Variants in PYGO1 observed in about 807,000 individuals in gnomAD.
PYGO1 encodes pygopus family PHD finger 1.
Under a neutral mutation model 29.5 loss-of-function variants are expected in PYGO1, and 6 were observed. The observed-to-expected ratio is 0.20, with a 90% CI of 0.11 to 0.40. The LOEUF (loss-of-function observed/expected upper bound fraction) is 0.40. Ranked by LOEUF, PYGO1 falls within the 10% of genes least tolerant of loss-of-function variation. The pLI, the probability that PYGO1 is intolerant of heterozygous loss-of-function variation, is 1.00. For synonymous variants in PYGO1, 186 were observed against 180.5 expected (o/e 1.03, Z -0.24); for missense variants, 515 against 514.9 (o/e 1.00, Z 0.00).
At chr15:55,582,902 T>A (rs1414081073) in intron 1 of PYGO1, among the ~76,000 whole-genome samples, 1 of 152,150 alleles carries the variant, frequency 6.6e-6, no homozygotes, top group Non-Finnish European at 1.5e-5. Flanking sequence ...TTAATCCAAA[T>A]CCTCTATATT....
chr15:55,583,887 C>A (rs185157930), intron 1 of PYGO1, among the ~76,000 whole-genome samples: 1 of 152,218 alleles, frequency 6.6e-6, no homozygotes, highest in East Asian at 1.9e-4. Flanking sequence ...CCTCCTAGAC[C>A]CTTTCTCACA....
intron 1 of PYGO1, among the ~76,000 whole-genome samples, chr15:55,566,177 CCTGTCACCCAGGTG>C (rs944928406): frequency 6.6e-6 from 1 of 152,058 alleles, no homozygotes; most frequent in African/African-American, 2.4e-5. Flanking sequence ...GTGAAATGAT[CCTGTCACCCAGGTG>C]CTGAGCATAG....
chr15:55,580,345 C>T (rs985544314), intron 1 of PYGO1, among the ~76,000 whole-genome samples: 2 of 152,104 alleles, frequency 1.3e-5, no homozygotes, highest in African/African-American at 4.8e-5. Context: ...ACACCCACTC[C>T]TAAACAAAAT....
intron 1 of PYGO1, among the ~76,000 whole-genome samples, chr15:55,570,051 C>T (rs2058974000): frequency 1.3e-5 from 2 of 152,122 alleles, no homozygotes; most frequent in African/African-American, 2.4e-5. Context: ...AAGGGCTTTC[C>T]CTCTACCTGA....
At chr15:55,571,397 A>C (rs912787367) in intron 1 of PYGO1, among the ~76,000 whole-genome samples, 4 of 152,094 alleles carry the variant, frequency 2.6e-5, no homozygotes, top group African/African-American at 9.7e-5. Context: ...ATTGTTGGAG[A>C]GTTTATCCTA....
chr15:55,550,566 C>T (rs1233408930), intron 1 of PYGO1, among the ~76,000 whole-genome samples: 1 of 152,188 alleles, frequency 6.6e-6, no homozygotes. Flanking sequence ...TGGCATCTCT[C>T]TTCCAATCCT....
At chr15:55,564,348 G>A (rs1049220617) in intron 1 of PYGO1, among the ~76,000 whole-genome samples, 3 of 152,170 alleles carry the variant, frequency 2.0e-5, no homozygotes, top group Admixed American at 6.6e-5. Context: ...CCATTTATAG[G>A]AAGTGTCCAG....
intron 1 of PYGO1, among the ~76,000 whole-genome samples, chr15:55,564,670 A>T (rs748296193): frequency 8.5e-5 from 13 of 152,188 alleles, no homozygotes; most frequent in Non-Finnish European, 1.6e-4. Flanking sequence ...CAGTACTAAA[A>T]ACCACTGAAA....
At chr15:55,557,427 G>C (rs1199090648) in intron 1 of PYGO1, among the ~76,000 whole-genome samples, 1 of 152,130 alleles carries the variant, frequency 6.6e-6, no homozygotes, top group Non-Finnish European at 1.5e-5. Context: ...AGGAGGAGCT[G>C]GTACTATTCC....
chr15:55,582,088 T>A (rs1394722718), intron 1 of PYGO1, among the ~76,000 whole-genome samples: 1 of 150,754 alleles, frequency 6.6e-6, no homozygotes, highest in Non-Finnish European at 1.5e-5. Flanking sequence ...GTGCCTATAA[T>A]CCCAGCTACT....
intron 1 of PYGO1, among the ~76,000 whole-genome samples, chr15:55,564,427 G>A (rs1238469235): frequency 1.3e-5 from 2 of 152,186 alleles, no homozygotes; most frequent in Admixed American, 6.5e-5. Flanking sequence ...GGAGGAAATT[G>A]GGAGTTACAT....
At chr15:55,579,794 A>C (rs1392750171) in intron 1 of PYGO1, among the ~76,000 whole-genome samples, 1 of 152,232 alleles carries the variant, frequency 6.6e-6, no homozygotes, top group Non-Finnish European at 1.5e-5. Flanking sequence ...ACTTTTCAAG[A>C]ATCAAATAAT....
At chr15:55,558,239 C>G (rs1023530769) in intron 1 of PYGO1, among the ~76,000 whole-genome samples, 4 of 152,262 alleles carry the variant, frequency 2.6e-5, no homozygotes, top group Middle Eastern at 3.4e-3. Context: ...TGAGTGAACT[C>G]TCACTCAAAA....
At chr15:55,559,970 A>G (rs2058925812) in intron 1 of PYGO1, among the ~76,000 whole-genome samples, 1 of 152,186 alleles carries the variant, frequency 6.6e-6, no homozygotes, top group Non-Finnish European at 1.5e-5. Context: ...CAGGCCTTCA[A>G]TAAAATTTAA....
intron 1 of PYGO1, among the ~76,000 whole-genome samples, chr15:55,559,042 C>G (rs1291201533): frequency 1.3e-5 from 2 of 152,074 alleles, no homozygotes; most frequent in Non-Finnish European, 2.9e-5. Context: ...TCAGAGTGAA[C>G]AGGCAACCTA....
At chr15:55,573,689 G>T (rs1161141662) in intron 1 of PYGO1, among the ~76,000 whole-genome samples, 2 of 152,266 alleles carry the variant, frequency 1.3e-5, no homozygotes, top group Non-Finnish European at 2.9e-5. Flanking sequence ...CTGATACTCT[G>T]TGCAGTCAAA....
At chr15:55,569,735 T>C (rs1035232780) in intron 1 of PYGO1, among the ~76,000 whole-genome samples, 9 of 152,184 alleles carry the variant, frequency 5.9e-5, no homozygotes, top group Admixed American at 2.0e-4. Context: ...TCTTAGAGTA[T>C]GTTCATGTGC....
chr15:55,585,068 A>T (rs2059040951), intron 1 of PYGO1, among the ~76,000 whole-genome samples: 1 of 152,224 alleles, frequency 6.6e-6, no homozygotes, highest in Non-Finnish European at 1.5e-5. Context: ...TTTGGTCTGC[A>T]GAGCATGCTA....
intron 1 of PYGO1, among the ~76,000 whole-genome samples, chr15:55,571,817 C>G (rs1595991034): frequency 1.3e-5 from 2 of 152,176 alleles, no homozygotes; most frequent in Non-Finnish European, 2.9e-5. Context: ...GAGGAACCAT[C>G]AAGCTATTTT....
Sources: gnomAD v4.1 joint callset for allele counts (sites outside exome capture counted in the v4.1 genomes callset) on GRCh38, gnomAD v4.1.1 for gene constraint, MANE v1.5 for transcripts, NCBI Gene and HGNC (gene_info 2026-07-23, HGNC 2026-07-21) for gene names.